STAU2: variants seen among roughly 807,000 people sequenced by gnomAD.
STAU2 encodes the protein staufen double-stranded RNA binding protein 2.
A neutral mutation model predicts 65.9 loss-of-function variants in STAU2; 20 were observed. The observed-to-expected ratio is 0.30, with a 90% CI of 0.21 to 0.44. The LOEUF (loss-of-function observed/expected upper bound fraction) is 0.44, where lower values mean the gene tolerates loss of function less well. STAU2 is among the 20% of genes least tolerant of loss of function. The probability of loss-of-function intolerance (pLI) is 1.00; values close to 1 mark genes in which losing one functional copy is unlikely to be tolerated. For synonymous variants in STAU2, 232 were observed against 233.9 expected, an observed-to-expected ratio of 0.99 and a Z score of 0.07; for missense variants, 558 against 683.9, an observed-to-expected ratio of 0.82 and a Z score of 2.05.
chr8:73,588,247 G>A (rs1262963690), intron 11 of STAU2, among the ~76,000 whole-genome samples: 1 of 152,186 alleles, frequency 6.6e-6, no homozygotes, highest in East Asian at 1.9e-4. Flanking sequence ...GGGAGAGATA[G>A]GACTCACAAA....
intron 3 of STAU2, among the ~76,000 whole-genome samples, chr8:73,712,850 G>T (rs1820994739): frequency 6.6e-6 from 1 of 152,196 alleles, no homozygotes; most frequent in Non-Finnish European, 1.5e-5. Flanking sequence ...TTGACACTCA[G>T]AAGGCTGAGA....
In STAU2 at chr8:73,650,384, G is replaced by T. The variant is rs190151931; in HGVS notation, c.410+22723C>A. Among the ~76,000 whole-genome samples the T allele has an allele frequency of 1.4e-4, 22 of 151,986 alleles. No individual in the cohort carries two copies. In the South Asian group the frequency reaches 3.7e-3, roughly 26 times the overall value. On this transcript the variant is annotated intron_variant, in intron 6 of 14. Transcript: ENST00000524300. ...ATTAGAGTATAATACAGATGTTATC[G>T]TATCATAAATTTTTTGTTTTAGTGA...
At chr8:73,555,566 C>CAACA (rs547797833) in intron 12 of STAU2, among the ~76,000 whole-genome samples, 51 of 151,668 alleles carry the variant, frequency 3.4e-4, no homozygotes, top group Non-Finnish European at 7.4e-4. Flanking sequence ...AAAACAACAA[C>CAACA]AAAAAACCCC....
upstream of STAU2, chr8:73,747,236 C>A (rs763024693): frequency 4.4e-6 from 4 of 899,996 alleles, no homozygotes; most frequent in African/African-American, 5.2e-5. Context: ...GCAGTCTCCT[C>A]GTCCCCGGCG....
At chr8:73,634,364 C>A (rs1814337696) in intron 6 of STAU2, among the ~76,000 whole-genome samples, 1 of 152,036 alleles carries the variant, frequency 6.6e-6, no homozygotes, top group South Asian at 2.1e-4. Flanking sequence ...CCCATCTCCA[C>A]TAAAAATACA....
chr8:73,664,900 G>A (rs1233732973), intron 6 of STAU2, among the ~76,000 whole-genome samples: 1 of 152,150 alleles, frequency 6.6e-6, no homozygotes, highest in Admixed American at 6.5e-5. Context: ...ATTGAGGCAT[G>A]AGAATCGCTC....
chr8:73,632,316 TACTCTTACAAAGACAGG>T (rs1286524978), intron 6 of STAU2, among the ~76,000 whole-genome samples: 2 of 150,590 alleles, frequency 1.3e-5, no homozygotes, highest in African/African-American at 4.9e-5. Context: ...GCCTGCCACA[TACTCTTACAAAGACAGG>T]ATGTCAAGCA....
intron 13 of STAU2, among the ~76,000 whole-genome samples, chr8:73,548,184 TATTCTCCTAAGAGG>T (rs1807070476): frequency 6.6e-6 from 1 of 151,628 alleles, no homozygotes. Flanking sequence ...TCTTTCTCCA[TATTCTCCTAAGAGG>T]AATTTACAAA....
intron 12 of STAU2, among the ~76,000 whole-genome samples, chr8:73,572,411 C>T (rs1451900466): frequency 6.6e-6 from 1 of 152,192 alleles, no homozygotes; most frequent in East Asian, 1.9e-4. Flanking sequence ...AGGCCAACAT[C>T]ATCCTGATAC....
intron 6 of STAU2, among the ~76,000 whole-genome samples, chr8:73,646,940 C>CAG (rs1218612486): frequency 8.1e-6 from 1 of 123,214 alleles, no homozygotes; most frequent in Admixed American, 7.4e-5. Context: ...CACAGCCAGA[C>CAG]ACACACACAC....
intron 8 of STAU2, among the ~76,000 whole-genome samples, 170 bp downstream of exon 8, chr8:73,615,502 TATC>T (rs1457055372): frequency 6.6e-6 from 1 of 152,222 alleles, no homozygotes; most frequent in African/African-American, 2.4e-5. Flanking sequence ...GAATCTGTGT[TATC>T]ATCATGATTT....
chr8:73,572,743 T>C (rs1264031563), intron 12 of STAU2, among the ~76,000 whole-genome samples: 2 of 152,212 alleles, frequency 1.3e-5, no homozygotes, highest in African/African-American at 4.8e-5. Flanking sequence ...TGATGGGATG[T>C]ATCTCAAAAT....
chr8:73,452,416 G>C, intron 13 of STAU2, among the ~76,000 whole-genome samples: 1 of 152,198 alleles, frequency 6.6e-6, no homozygotes, highest in East Asian at 1.9e-4. Context: ...CCTTGGCTGA[G>C]ACCTTTTGCT....
chr8:73,746,231 C>T (rs1044069045), intron 1 of STAU2, among the ~76,000 whole-genome samples: 5 of 152,058 alleles, frequency 3.3e-5, no homozygotes, highest in African/African-American at 1.2e-4. Flanking sequence ...CCGCCACCCT[C>T]CGGCGCGCCC....
chr8:73,426,087 C>T (rs1205201807), intron 13 of STAU2, among the ~76,000 whole-genome samples: 1 of 152,204 alleles, frequency 6.6e-6, no homozygotes, highest in East Asian at 1.9e-4. Context: ...GCCTCTGCCC[C>T]CAGCCTCCAT....
intron 5 of STAU2, among the ~76,000 whole-genome samples, chr8:73,678,386 T>C (rs1461658555): frequency 6.6e-6 from 1 of 152,122 alleles, no homozygotes; most frequent in Non-Finnish European, 1.5e-5. Context: ...TTTTACCAAA[T>C]CCATTGTCCA....
chr8:73,440,006 A>G (rs1818014525), intron 13 of STAU2: 1 of 152,274 alleles, frequency 6.6e-6, no homozygotes, highest in Non-Finnish European at 1.5e-5. Context: ...CTTAAGAGCG[A>G]AGCTCAGGGT....
chr8:73,539,863 A>T (rs1230282401), intron 13 of STAU2, among the ~76,000 whole-genome samples: 1 of 151,916 alleles, frequency 6.6e-6, no homozygotes, highest in Non-Finnish European at 1.5e-5. Context: ...AAAAAAAAAA[A>T]AATTGTACAA....
chr8:73,537,318 T>C (rs1806245235), intron 13 of STAU2, among the ~76,000 whole-genome samples: 1 of 53,786 alleles, frequency 1.9e-5, no homozygotes, highest in Non-Finnish European at 6.3e-5. Flanking sequence ...CTGAAAAAAA[T>C]TCAAAAAAGT....
Sources: gnomAD v4.1 joint callset for allele counts (sites outside exome capture counted in the v4.1 genomes callset) on GRCh38, gnomAD v4.1.1 for gene constraint, MANE v1.5 for transcripts, NCBI Gene and HGNC (gene_info 2026-07-23, HGNC 2026-07-21) for gene names.